Variants in ATRX observed in about 807,000 individuals in gnomAD.
The protein encoded by ATRX is chromatin remodeler ATRX.
In ATRX, 12 loss-of-function variants were observed where a neutral mutation model predicts 172.6. The ratio of observed to expected loss-of-function variants is 0.07; its 90% confidence interval spans 0.04 to 0.11. The LOEUF is 0.11. Among genes scored for constraint, ATRX ranks in the 10% least tolerant of loss-of-function variants. The pLI is 1.00. For synonymous variants in ATRX, 674 were observed against 594.7 expected, an observed-to-expected ratio of 1.13 and a Z score of -1.94; for missense variants, 1,368 against 1,767.4, an observed-to-expected ratio of 0.77 and a Z score of 4.05.
chrX:77,668,852 A>C (rs2070397103), intron 10 of ATRX, among the ~76,000 whole-genome samples: 1 of 110,494 alleles, frequency 9.1e-6, no homozygotes, highest in African/African-American at 3.3e-5. Context: ...AAAAAAAAAA[A>C]CATAGGAGAA....
intron 1 of ATRX, among the ~76,000 whole-genome samples, chrX:77,736,878 C>T (rs1467121619): frequency 8.9e-6 from 1 of 111,782 alleles, no homozygotes; most frequent in African/African-American, 3.2e-5. Context: ...AAATGGACTA[C>T]TATTCAGCCA....
intron 6 of ATRX, among the ~76,000 whole-genome samples, chrX:77,691,930 A>G (rs1427920281): frequency 8.9e-6 from 1 of 112,173 alleles, no homozygotes; most frequent in Non-Finnish European, 1.9e-5. Flanking sequence ...ACTGATGGCT[A>G]TAAATGCATG....
At position 77,683,772 on chromosome X, in the gene ATRX, T is replaced by A. The variant is rs1569539250; in HGVS notation, c.1484A>T (p.Lys495Ile). 2 of 1,210,348 alleles carry A rather than the reference T, an allele frequency of 1.7e-6. No individual in the cohort carries two copies. The highest frequency in any genetic ancestry group is 2.2e-6 in the Non-Finnish European group (2 of 894,229). ...TNKSTGGEHK[K>I]SDRKEEPQYE... ...TTGAGGTTCTTCTTTTCTATCAGAT[T>A]TCTTATGTTCACCACCGGTACTTTT... is the stretch of plus-strand genomic sequence containing the variant. The change falls in exon 9 of 35, where the codon AAA (lysine) becomes ATA (isoleucine). Residue 495 changes from lysine to isoleucine, a missense_variant. Physicochemically the swap from Lys to Ile is moderately radical, Grantham distance 102. Transcript: ENST00000373344.
In ATRX at chrX:77,558,879, T is replaced by G. The variant is rs375435438; in HGVS notation, c.6327-33A>C. 7 of 1,064,663 alleles carry G rather than the reference T, an allele frequency of 6.6e-6. No individual in the cohort carries two copies. In the African/African-American group the frequency reaches 1.3e-4, roughly 20 times the overall value. The allele number at this position is 1,064,663 out of a possible 1,213,427, so 87.7% of individuals were successfully genotyped here. On this transcript the variant is annotated intron_variant, in intron 28 of 34. Transcript: ENST00000373344. ...TGAAAATATAGAATAAATGCTTCAG[T>G]AATTAGTACTTTACAAATATTTTAA...
chrX:77,532,519 C>A (rs1368652418), intron 30 of ATRX, among the ~76,000 whole-genome samples: 3 of 111,471 alleles, frequency 2.7e-5, no homozygotes, highest in African/African-American at 9.8e-5. Flanking sequence ...CTTTGACAAA[C>A]CTGACCAAAA....
intron 22 of ATRX, 155 bp from the exon 23 acceptor site, chrX:77,600,719 CAA>C: frequency 2.0e-6 from 1 of 504,229 alleles, no homozygotes; most frequent in Admixed American, 3.6e-5. Flanking sequence ...ACACATAAAA[CAA>C]ATAGGATTAC....
rs781991570 is a variant in ATRX, at chrX:77,633,743, A to G, written c.4810-31T>C. 8.1e-5 allele frequency: 94 copies of G among 1,167,052 alleles called. 1 individual carries two copies. Among genetic ancestry groups the G allele is most frequent in the Non-Finnish European group, 1.0e-4 (90 of 859,913 alleles). ...AGAAAACAGATTGTCACCTTCGTTT[A>G]AATATCCACAAAAAAATTTAATAAA... is the stretch of plus-strand genomic sequence containing the variant. On this transcript the variant is annotated intron_variant, in intron 17 of 34. Transcript: ENST00000373344.
intron 1 of ATRX, among the ~76,000 whole-genome samples, chrX:77,721,911 C>T (rs1022226249): frequency 8.9e-6 from 1 of 111,768 alleles, no homozygotes; most frequent in Non-Finnish European, 1.9e-5. Flanking sequence ...ATCATGCTAC[C>T]TGACTTCAAA....
In ATRX at chrX:77,593,054, T is replaced by G. The variant is rs931071546; in HGVS notation, c.6110+642A>C. ...GCCTGGGCAACACGGTGAAACCCTA[T>G]CTCTGCTAAAAATAAAAACACTAGC... On this transcript the variant is annotated intron_variant, in intron 26 of 34. Transcript: ENST00000373344. Among the ~76,000 whole-genome samples the G allele has an allele frequency of 2.2e-4, 24 of 107,343 alleles. No homozygotes were observed. In the Admixed American group the frequency reaches 2.4e-3, roughly 11 times the overall value. The allele number at this position is 107,343 out of a possible 115,157, so 93.2% of individuals were successfully genotyped here. A position where few individuals can be genotyped will look rare whatever the true frequency, so the allele number is the denominator to read the frequency against.
chrX:77,693,143 TC>T (rs1374560201), intron 6 of ATRX, among the ~76,000 whole-genome samples: 1 of 111,198 alleles, frequency 9.0e-6, no homozygotes, highest in Non-Finnish European at 1.9e-5. Flanking sequence ...TGCCTTGGCT[TC>T]CTAAAGTGCT....
At chrX:77,761,441 G>T (rs545175565) in intron 1 of ATRX, among the ~76,000 whole-genome samples, 1 of 110,887 alleles carries the variant, frequency 9.0e-6, no homozygotes. Context: ...GGGGGCTGAG[G>T]TGGGATGATC....
chrX:77,581,523 A>G, intron 27 of ATRX, among the ~76,000 whole-genome samples: 1 of 111,935 alleles, frequency 8.9e-6, no homozygotes, highest in Non-Finnish European at 1.9e-5. Flanking sequence ...AACAATTTAA[A>G]ATATATATGC....
chrX:77,635,888 T>G, intron 16 of ATRX, 27 bp downstream of exon 16: 1 of 1,175,747 alleles, frequency 8.5e-7, no homozygotes, highest in Non-Finnish European at 1.2e-6. Context: ...TAACTAAAAA[T>G]TATTGAATCA....
At chrX:77,684,625 C>G (rs1303726205) in intron 8 of ATRX, 32 bp from the exon 9 acceptor site, 9 of 1,160,439 alleles carry the variant, frequency 7.8e-6, no homozygotes, top group Non-Finnish European at 1.1e-5. Flanking sequence ...AACATTATTC[C>G]CTTCTTTCAG....
chrX:77,537,194 A>C (rs1268713545), intron 30 of ATRX, among the ~76,000 whole-genome samples: 1 of 112,009 alleles, frequency 8.9e-6, no homozygotes, highest in Non-Finnish European at 1.9e-5. Context: ...GTCCTTGAGC[A>C]AGTTAACTTG....
At chrX:77,645,837 A>T (rs1369931389) in intron 15 of ATRX, among the ~76,000 whole-genome samples, 1 of 112,365 alleles carries the variant, frequency 8.9e-6, no homozygotes, top group Non-Finnish European at 1.9e-5. Flanking sequence ...AGGGGAATGG[A>T]GCTGTGGAAG....
At chrX:77,758,912 C>T (rs781908742) in intron 1 of ATRX, among the ~76,000 whole-genome samples, 3 of 111,939 alleles carry the variant, frequency 2.7e-5, no homozygotes, top group Admixed American at 9.6e-5. Flanking sequence ...TATTCCATGA[C>T]GTAAAGCTGC....
At chrX:77,591,722 T>C (rs782015974) in intron 26 of ATRX, among the ~76,000 whole-genome samples, 24 of 112,243 alleles carry the variant, frequency 2.1e-4, no homozygotes, top group Admixed American at 1.9e-4. Flanking sequence ...GACCCCTCAG[T>C]AGTTTATCTT....
At chrX:77,560,521 T>A (rs2064980032) in intron 28 of ATRX, among the ~76,000 whole-genome samples, 1 of 111,102 alleles carries the variant, frequency 9.0e-6, no homozygotes, top group Non-Finnish European at 1.9e-5. Flanking sequence ...TGCTGGTAAC[T>A]TACAGAGTGA....
Sources: allele counts gnomAD v4.1 joint callset (sites outside exome capture counted in the v4.1 genomes callset), GRCh38; gene constraint gnomAD v4.1.1; transcripts MANE v1.5; gene names NCBI Gene and HGNC (gene_info 2026-07-23, HGNC 2026-07-21).